Variants in TMC1 observed in about 807,000 individuals in gnomAD.
TMC1 encodes the protein transmembrane channel-like protein 1.
Under a neutral mutation model 105.8 loss-of-function variants are expected in TMC1, and 84 were observed. That is an observed-to-expected ratio of 0.79 (90% CI 0.67 to 0.95). The LOEUF is 0.95. Among genes scored for constraint, TMC1 ranks in the 40% least tolerant of loss-of-function variants. The probability of loss-of-function intolerance (pLI) is 0.00; values close to 1 mark genes in which losing one functional copy is unlikely to be tolerated. For missense variants in TMC1, 817 were observed against 914.1 expected (o/e 0.89, Z 1.37); for synonymous variants, 315 against 311.5 (o/e 1.01, Z -0.12).
In TMC1 at chr9:72,611,131, C is replaced by T. The variant is rs145682555; in HGVS notation, c.-305-5237C>T. Among the ~76,000 whole-genome samples, 606 of 152,294 alleles carry T rather than the reference C, an allele frequency of 4.0e-3. 4 individuals are homozygous for T. The highest frequency in any genetic ancestry group is 0.014 in the African/African-American group (589 of 41,560). On this transcript the variant is annotated intron_variant, in intron 2 of 23. Coordinates refer to ENST00000297784, the MANE Select transcript of TMC1 (RefSeq NM_138691.3). The stretch of plus-strand genomic sequence containing the variant: ...CTTATTTATAAGATTTAAAATTCTA[C>T]GTATATTCCTTCAGGAAATGTTGTC...
intron 8 of TMC1, among the ~76,000 whole-genome samples, chr9:72,719,668 T>C (rs1826985541): frequency 6.6e-6 from 1 of 152,230 alleles, no homozygotes; most frequent in African/African-American, 2.4e-5. Flanking sequence ...CTCCACATTC[T>C]ATTCTATCCA....
At chr9:72,563,591 A>G (rs1824094290) in intron 1 of TMC1, among the ~76,000 whole-genome samples, 1 of 152,078 alleles carries the variant, frequency 6.6e-6, no homozygotes, top group African/African-American at 2.4e-5. Flanking sequence ...GCTAAGATGA[A>G]GAATAAATGG....
In TMC1 at chr9:72,532,541, C is replaced by CA. The variant is rs59010604; in HGVS notation, c.-428+10674dup. On this transcript the variant is annotated intron_variant, in intron 1 of 23. Coordinates refer to ENST00000297784, the MANE Select transcript of TMC1 (RefSeq NM_138691.3). ...GGACAACAAGAGCGAGACTCCGTCT[C>CA]AAAAAAAAAAAAAAAAAAAAAAAAA... 2.4e-4 allele frequency among the ~76,000 whole-genome samples: 18 copies of CA among 75,528 alleles called. 2 individuals carry two copies. The highest frequency in any genetic ancestry group is 3.9e-4 in the Non-Finnish European group (15 of 38,402). The allele number at this position is 75,528 out of a possible 152,430, so 49.5% of individuals were successfully genotyped here.
Position 72,557,842 on chromosome 9 carries a change from G to A in TMC1, c.-427-20060G>A, listed in dbSNP as rs372876778. Reference sequence around the variant, plus strand: ...TGAGGGAGGCTAAAGAGGAAAAACAGCTGTTTAGTTTCTCATTGATTTGTA... The same window carrying A: ...TGAGGGAGGCTAAAGAGGAAAAACAACTGTTTAGTTTCTCATTGATTTGTA... On this transcript the variant is annotated intron_variant, in intron 1 of 23. Transcript: ENST00000297784. Among the ~76,000 whole-genome samples, 4 of 152,302 alleles carry A rather than the reference G, an allele frequency of 2.6e-5. No individual in the cohort carries two copies. The East Asian group carries it at 7.7e-4, about 29-fold the overall frequency.
intron 8 of TMC1, among the ~76,000 whole-genome samples, chr9:72,710,445 T>C (rs1471488733): frequency 1.3e-5 from 2 of 152,212 alleles, no homozygotes; most frequent in Non-Finnish European, 1.5e-5. Flanking sequence ...AGTGGAGTAT[T>C]GAAGTCCCCC....
intron 3 of TMC1, among the ~76,000 whole-genome samples, chr9:72,624,582 C>T (rs141102599): frequency 0.01 from 1,534 of 152,264 alleles, 18 homozygotes; most frequent in Middle Eastern, 0.037. Context: ...TTCCCTTTAC[C>T]TCTCTTCTTT....
At chr9:72,758,219 A>G (rs1339466436) in intron 12 of TMC1, among the ~76,000 whole-genome samples, 1 of 152,202 alleles carries the variant, frequency 6.6e-6, no homozygotes, top group Non-Finnish European at 1.5e-5. Flanking sequence ...ATTCATATTA[A>G]GGGACACTTT....
intron 8 of TMC1, among the ~76,000 whole-genome samples, chr9:72,732,107 A>G (rs1438081597): frequency 6.6e-6 from 1 of 152,232 alleles, no homozygotes; most frequent in African/African-American, 2.4e-5. Flanking sequence ...AATGACAATA[A>G]TATAATGAGT....
intron 8 of TMC1, among the ~76,000 whole-genome samples, chr9:72,720,474 G>A (rs1031151160): frequency 2.0e-5 from 3 of 152,170 alleles, no homozygotes; most frequent in African/African-American, 4.8e-5. Flanking sequence ...TGCAGTGTTC[G>A]TGTGCCCTGT....
At chr9:72,548,566 TAAA>T (rs778291472) in intron 1 of TMC1, among the ~76,000 whole-genome samples, 11 of 132,084 alleles carry the variant, frequency 8.3e-5, no homozygotes, top group African/African-American at 1.9e-4. Context: ...GACTCTGTCT[TAAA>T]AAAAAAAAAA....
intron 5 of TMC1, among the ~76,000 whole-genome samples, chr9:72,662,482 C>T (rs754002076): frequency 9.2e-5 from 14 of 151,860 alleles, no homozygotes; most frequent in Non-Finnish European, 1.9e-4. Flanking sequence ...CAGGTGTGAG[C>T]CACTGTGCCT....
At chr9:72,675,351 G>C (rs1450411279) in intron 5 of TMC1, among the ~76,000 whole-genome samples, 1 of 152,004 alleles carries the variant, frequency 6.6e-6, no homozygotes, top group Admixed American at 6.6e-5. Context: ...ATATGATATT[G>C]AATTTCTAAA....
chr9:72,574,759 AG>A (rs1317187312), intron 1 of TMC1, among the ~76,000 whole-genome samples: 4 of 152,222 alleles, frequency 2.6e-5, no homozygotes, highest in African/African-American at 9.7e-5. Context: ...GTGAATTTCT[AG>A]AAGTCAGCTT....
intron 21 of TMC1, among the ~76,000 whole-genome samples, chr9:72,827,818 T>A (rs372980226): frequency 6.6e-6 from 1 of 152,200 alleles, no homozygotes; most frequent in Non-Finnish European, 1.5e-5. Context: ...AGGGACACTT[T>A]AAGAACAAAG....
At chr9:72,791,161 C>T (rs1828260471) in intron 15 of TMC1, among the ~76,000 whole-genome samples, 1 of 152,040 alleles carries the variant, frequency 6.6e-6, no homozygotes, top group Non-Finnish European at 1.5e-5. Flanking sequence ...GCACATGTTT[C>T]CTACTTTTCA....
At chr9:72,573,407 C>T (rs569348030) in intron 1 of TMC1, among the ~76,000 whole-genome samples, 1 of 152,284 alleles carries the variant, frequency 6.6e-6, no homozygotes, top group African/African-American at 2.4e-5. Context: ...TGCACAGCCT[C>T]AAAATCCACC....
intron 2 of TMC1, among the ~76,000 whole-genome samples, chr9:72,602,777 TC>T (rs888181849): frequency 6.6e-6 from 1 of 152,204 alleles, no homozygotes; most frequent in African/African-American, 2.4e-5. Flanking sequence ...ATTGCCTTTT[TC>T]TGAGATGAAT....
At chr9:72,800,776 A>G (rs1418912297) in intron 17 of TMC1, among the ~76,000 whole-genome samples, 3 of 151,738 alleles carry the variant, frequency 2.0e-5, no homozygotes, top group Admixed American at 6.6e-5. Context: ...CTAGTGGGAA[A>G]GTCTGCAGAA....
chr9:72,760,675 C>A (rs1265501181), intron 12 of TMC1, among the ~76,000 whole-genome samples: 1 of 151,854 alleles, frequency 6.6e-6, no homozygotes, highest in Non-Finnish European at 1.5e-5. Flanking sequence ...GTAAGTTATT[C>A]CACATAGAGG....
Sources: allele counts gnomAD v4.1 joint callset (sites outside exome capture counted in the v4.1 genomes callset), GRCh38; gene constraint gnomAD v4.1.1; transcripts MANE v1.5; gene names NCBI Gene and HGNC (gene_info 2026-07-23, HGNC 2026-07-21).